SUSD5: variants seen among roughly 807,000 people sequenced by gnomAD.
The protein encoded by SUSD5 is sushi domain-containing protein 5.
Under a neutral mutation model 29.5 loss-of-function variants are expected in SUSD5, and 33 were observed. That is an observed-to-expected ratio of 1.12 (90% CI 0.85 to 1.49). The LOEUF is 1.49. Ranked by LOEUF, SUSD5 falls within the 40% of genes most tolerant of loss-of-function variation. The probability of loss-of-function intolerance (pLI) is 0.00; values close to 1 mark genes in which losing one functional copy is unlikely to be tolerated. For missense variants in SUSD5, 776 were observed against 800.6 expected, an observed-to-expected ratio of 0.97 and a Z score of 0.37; for synonymous variants, 308 against 325.3, an observed-to-expected ratio of 0.95 and a Z score of 0.57.
Position 33,150,757 on chromosome 3 carries a change from C to T in SUSD5, c.*1985G>A, listed in dbSNP as rs1175654251. 6.6e-6 allele frequency: 1 copy of T among 152,110 alleles called. No individual in the cohort carries two copies. Among genetic ancestry groups the T allele is most frequent in the Non-Finnish European group, 1.5e-5 (1 of 68,008 alleles). 9.4% of individuals were successfully genotyped at this position (152,110 alleles called of 1,614,324 possible). ...TCCAAAGCTTGCTGAAAAGAGGTGG[C>T]AGGGTAGAAAACATGTTGCGAATGT... On this transcript the variant is annotated 3_prime_UTR_variant, in exon 5 of 5. Coordinates refer to ENST00000309558, the MANE Select transcript of SUSD5 (RefSeq NM_015551.2).
At chr3:33,176,217 T>G (rs1192428439) in intron 3 of SUSD5, among the ~76,000 whole-genome samples, 1 of 152,242 alleles carries the variant, frequency 6.6e-6, no homozygotes, top group African/African-American at 2.4e-5. Flanking sequence ...ATTGTCTGGA[T>G]GTATCACAGT....
rs759748093 is a variant in SUSD5, at chr3:33,153,982, G to C, written c.650C>G (p.Ser217Cys). The C allele has an allele frequency of 1.2e-6, 2 of 1,609,986 alleles. No individual in the cohort carries two copies. The highest frequency in any genetic ancestry group is 1.7e-6 in the Non-Finnish European group (2 of 1,178,910). Residue 217 changes from serine (S) to cysteine (C), a missense_variant, in exon 5 of 5, where the codon TCT (serine) becomes TGT (cysteine). Transcript: ENST00000309558. ...DYEDNFPDDR[S>C]VSFRELMEDS... ...CTCCATGAGCTCTCTGAATGACACA[G>C]ATCTGTCATCAGGGAAGTTATCTTC...
intron 1 of SUSD5, among the ~76,000 whole-genome samples, chr3:33,216,170 C>T (rs1025037035): frequency 7.2e-5 from 11 of 152,182 alleles, no homozygotes; most frequent in African/African-American, 9.6e-5. Flanking sequence ...CTACAGATCC[C>T]GTGGACCCTG....
At chr3:33,211,147 G>A (rs1397961988) in intron 2 of SUSD5, among the ~76,000 whole-genome samples, 1 of 152,140 alleles carries the variant, frequency 6.6e-6, no homozygotes, top group Non-Finnish European at 1.5e-5. Flanking sequence ...GCCCGCCGTG[G>A]CCTCCCAAAA....
At chr3:33,186,159 G>A (rs1048975088) in intron 3 of SUSD5, among the ~76,000 whole-genome samples, 2 of 151,906 alleles carry the variant, frequency 1.3e-5, no homozygotes, top group Non-Finnish European at 2.9e-5. Context: ...AAAATTAGCT[G>A]GGCGTGGTGG....
At chr3:33,186,875 G>A (rs1285227276) in intron 3 of SUSD5, among the ~76,000 whole-genome samples, 2 of 152,146 alleles carry the variant, frequency 1.3e-5, no homozygotes, top group Non-Finnish European at 2.9e-5. Context: ...AAGGAGCCTA[G>A]GAGATCAAGT....
intron 2 of SUSD5, among the ~76,000 whole-genome samples, chr3:33,210,671 G>A (rs967566432): frequency 6.6e-6 from 1 of 152,150 alleles, no homozygotes; most frequent in African/African-American, 2.4e-5. Flanking sequence ...TGAGGGAGTG[G>A]AGACCTGGGC....
intron 4 of SUSD5, among the ~76,000 whole-genome samples, chr3:33,168,067 C>T (rs1300767990): frequency 2.6e-5 from 4 of 152,200 alleles, no homozygotes; most frequent in South Asian, 2.1e-4. Context: ...GAAAGTCATA[C>T]GTCAGGACTG....
chr3:33,179,474 GA>G (rs2125622432), intron 3 of SUSD5, among the ~76,000 whole-genome samples: 1 of 152,294 alleles, frequency 6.6e-6, no homozygotes, highest in Non-Finnish European at 1.5e-5. Flanking sequence ...TTTGTTTGTT[GA>G]GCTTCTTGTT....
intron 1 of SUSD5, among the ~76,000 whole-genome samples, chr3:33,218,322 T>A (rs77763849): frequency 2.0e-5 from 3 of 152,050 alleles, no homozygotes; most frequent in African/African-American, 7.3e-5. Flanking sequence ...TTAATAGACG[T>A]TGAGAAACTG....
At chr3:33,171,323 G>A (rs1461271040) in intron 4 of SUSD5, among the ~76,000 whole-genome samples, 1 of 151,504 alleles carries the variant, frequency 6.6e-6, no homozygotes, top group Non-Finnish European at 1.5e-5. Flanking sequence ...CTCCAGCCTG[G>A]CGACAGAGCG....
intron 1 of SUSD5, among the ~76,000 whole-genome samples, chr3:33,216,234 G>A (rs1385450423): frequency 6.6e-6 from 1 of 152,160 alleles, no homozygotes; most frequent in Non-Finnish European, 1.5e-5. Flanking sequence ...CAATCTAAAT[G>A]AAGTGGGGGA....
rs766089549 is a variant in SUSD5, at chr3:33,218,751, A to G, written c.47T>C (p.Leu16Pro). 7.2e-7 allele frequency: 1 copy of G among 1,395,716 alleles called. No individual in the cohort carries two copies. The highest frequency in any genetic ancestry group is 1.6e-5 in the South Asian group (1 of 62,462). The allele number at this position is 1,395,716 out of a possible 1,614,324, so 86.5% of individuals were successfully genotyped here. The change falls in exon 1 of 5, where the codon CTC becomes CCC. Residue 16 changes from leucine (L) to proline (P), a missense_variant. Physicochemically the swap from Leu to Pro is moderately conservative, Grantham distance 98. Transcript: ENST00000309558. ...CAGCGCCGCCGCCCAGAGCCCGGGG[A>G]GGCGTCTGTGCCAACGGGCAGGCGG... ...PSPPARWHRR[L>P]PGLWAAALLL...
intron 2 of SUSD5, among the ~76,000 whole-genome samples, chr3:33,209,260 C>T (rs937010497): frequency 1.3e-5 from 2 of 152,286 alleles, no homozygotes; most frequent in South Asian, 4.1e-4. Flanking sequence ...ATGTGCCTAG[C>T]TGTGAATTTC....
chr3:33,211,196 A>G (rs530074496), intron 2 of SUSD5, among the ~76,000 whole-genome samples: 284 of 152,274 alleles, frequency 1.9e-3, no homozygotes, highest in Admixed American at 6.6e-3. Context: ...ACCCAGCTGT[A>G]TGTTTTCTTT....
chr3:33,185,242 C>T (rs1490431307), intron 3 of SUSD5, among the ~76,000 whole-genome samples: 1 of 152,194 alleles, frequency 6.6e-6, no homozygotes, highest in African/African-American at 2.4e-5. Context: ...ATATTTTGTT[C>T]CTGATCACAG....
chr3:33,176,369 G>A (rs780182737), intron 3 of SUSD5, among the ~76,000 whole-genome samples: 5 of 152,172 alleles, frequency 3.3e-5, no homozygotes, highest in Non-Finnish European at 5.9e-5. Flanking sequence ...ACCAAAGAGC[G>A]TGACTGCTGG....
In SUSD5 at chr3:33,153,087, C is replaced by G. The variant is rs916106237; in HGVS notation, c.1545G>C (p.Met515Ile). 13 of 1,613,690 alleles carry G rather than the reference C, an allele frequency of 8.1e-6. No individual in the cohort carries two copies. Among genetic ancestry groups the G allele is most frequent in the Non-Finnish European group, 1.1e-5 (13 of 1,179,830 alleles). ...TTTCTACTGGAGGCTGGGTGGTTGC[C>G]ATGATCGTTGAGGGGATGTGGTTAG... ...QTPNHIPSTI[M>I]ATTQPPVETT... The change falls in exon 5 of 5, where the codon ATG becomes ATC. Residue 515 changes from methionine to isoleucine, a missense_variant. By Grantham distance (10) the Met-to-Ile change is conservative (BLOSUM62 1). Transcript: ENST00000309558.
intron 3 of SUSD5, among the ~76,000 whole-genome samples, chr3:33,178,671 C>A (rs553577666): frequency 3.3e-4 from 50 of 152,284 alleles, no homozygotes; most frequent in African/African-American, 1.2e-3. Context: ...TGGTCTCAAT[C>A]TCGTGACCTG....
Sources: allele counts gnomAD v4.1 joint callset (sites outside exome capture counted in the v4.1 genomes callset), GRCh38; gene constraint gnomAD v4.1.1; transcripts MANE v1.5; gene names NCBI Gene and HGNC (gene_info 2026-07-23, HGNC 2026-07-21).